The following ITGA4 variants were observed in gnomAD, a reference collection of about 807,000 sequenced individuals.
ITGA4 encodes integrin alpha-4.
A neutral mutation model predicts 133.6 loss-of-function variants in ITGA4; 63 were observed. The ratio of observed to expected loss-of-function variants is 0.47; its 90% CI spans 0.38 to 0.58. The LOEUF is 0.58. Among genes scored for constraint, ITGA4 ranks in the 20% least tolerant of loss-of-function variants. The probability of loss-of-function intolerance (pLI) is 0.00; values close to 1 mark genes in which losing one functional copy is unlikely to be tolerated. For synonymous variants in ITGA4, 483 were observed against 438.0 expected (o/e 1.10, Z -1.28); for missense variants, 1,076 against 1,252.7 (o/e 0.86, Z 2.13).
chr2:181,518,150 G>T (rs2105762126), intron 17 of ITGA4, among the ~76,000 whole-genome samples: 1 of 152,108 alleles, frequency 6.6e-6, no homozygotes, highest in African/African-American at 2.4e-5. Flanking sequence ...TAACCCCAAG[G>T]TTTACAACAC....
Position 181,536,572 on chromosome 2 carries a change from G to A in ITGA4, c.*1045G>A, listed in dbSNP as rs940715297. On this transcript the variant is annotated 3_prime_UTR_variant, in exon 28 of 28. Coordinates refer to ENST00000397033, the MANE Select transcript of ITGA4 (RefSeq NM_000885.6). ...ACAAGTATAAGTGTTACCTTACATG[G>A]AAACGAAGAAACAAAATTCATAAAT... 8.3e-5 allele frequency: 7 copies of A among 84,090 alleles called. No individual in the cohort carries two copies. Among genetic ancestry groups the A allele is most frequent in the Admixed American group, 1.2e-4 (1 of 8,240 alleles). The allele number at this position is 84,090 out of a possible 1,614,324, so 5.2% of individuals were successfully genotyped here.
At position 181,522,170 on chromosome 2, in the gene ITGA4, AT is replaced by A; in HGVS notation, c.1923-20del. ...TTTTTATTTCCTAAACAAGAACTAA[AT>A]AATATTACTTAATTTTTAGGCCCCA... On this transcript the variant is annotated intron_variant, in intron 17 of 27. Transcript: ENST00000397033. 3.4e-6 allele frequency: 5 copies of A among 1,477,154 alleles called. No individual in the cohort carries two copies. The South Asian group carries it at 6.1e-5, about 18-fold the overall frequency. 91.5% of individuals were successfully genotyped at this position (1,477,154 alleles called of 1,614,324 possible). A position where few individuals can be genotyped will look rare whatever the true frequency, so the allele number is the denominator to read the frequency against.
chr2:181,483,216 G>A (rs961759144), intron 9 of ITGA4, among the ~76,000 whole-genome samples: 1 of 152,100 alleles, frequency 6.6e-6, no homozygotes, highest in Admixed American at 6.5e-5. Flanking sequence ...GCATAAATAG[G>A]TAATTACTGA....
At chr2:181,511,917 T>C (rs1559052324) in intron 17 of ITGA4, 142 bp downstream of exon 17, 3 of 531,284 alleles carry the variant, frequency 5.6e-6, no homozygotes, top group Middle Eastern at 3.6e-4. Context: ...CAATGCTTAG[T>C]TTTTTATCGG....
At chr2:181,468,713 C>T (rs1357830923) in intron 2 of ITGA4, among the ~76,000 whole-genome samples, 2 of 151,998 alleles carry the variant, frequency 1.3e-5, no homozygotes, top group Non-Finnish European at 2.9e-5. Flanking sequence ...TTTATATATG[C>T]TGATACACAT....
At chr2:181,534,628 T>C (rs1687017347) in intron 26 of ITGA4, among the ~76,000 whole-genome samples, 188 bp from the exon 27 acceptor site, 1 of 152,116 alleles carries the variant, frequency 6.6e-6, no homozygotes, top group African/African-American at 2.4e-5. Context: ...TACAGCCCAT[T>C]ACACTCACTG....
chr2:181,483,329 G>A (rs527569905), intron 9 of ITGA4, among the ~76,000 whole-genome samples: 3 of 152,112 alleles, frequency 2.0e-5, no homozygotes, highest in Non-Finnish European at 2.9e-5. Flanking sequence ...GATTCTTGGC[G>A]TTAAGTCAAA....
chr2:181,465,559 G>C (rs1343397835), intron 2 of ITGA4, among the ~76,000 whole-genome samples: 6 of 152,168 alleles, frequency 3.9e-5, no homozygotes, highest in African/African-American at 1.4e-4. Context: ...AGACAAAGTG[G>C]CATCCACACA....
intron 14 of ITGA4, among the ~76,000 whole-genome samples, chr2:181,498,120 C>G (rs1686191947): frequency 6.6e-6 from 1 of 151,852 alleles, no homozygotes; most frequent in East Asian, 1.9e-4. Flanking sequence ...TTGACTTAAT[C>G]ATGTGTTCAC....
chr2:181,534,770 A>ATTT (rs5836796), intron 26 of ITGA4, 46 bp from the exon 27 acceptor site: 26,153 of 1,265,984 alleles, frequency 0.021, 4 homozygotes, highest in South Asian at 0.038. Flanking sequence ...TTTTAAACTG[A>ATTT]TTTTTTTTTT....
At chr2:181,486,301 A>G (rs1277227022) in intron 10 of ITGA4, 2 of 221,400 alleles carry the variant, frequency 9.0e-6, no homozygotes, top group East Asian at 1.2e-4. Flanking sequence ...TACACCCACC[A>G]TTTTTCTGTT....
At chr2:181,490,126 A>T (rs1033765077) in intron 10 of ITGA4, among the ~76,000 whole-genome samples, 28 of 152,208 alleles carry the variant, frequency 1.8e-4, no homozygotes, top group African/African-American at 6.8e-4. Flanking sequence ...CAATGTCTGT[A>T]ATCTATAGAT....
intron 10 of ITGA4, among the ~76,000 whole-genome samples, chr2:181,489,498 T>C (rs1314292231): frequency 6.6e-6 from 1 of 150,738 alleles, no homozygotes; most frequent in East Asian, 2.0e-4. Flanking sequence ...GTTTAGTTTC[T>C]TTTTTCACCT....
chr2:181,475,763 C>A (rs1387303667), intron 4 of ITGA4: 2 of 1,552,324 alleles, frequency 1.3e-6, no homozygotes, highest in Non-Finnish European at 1.7e-6. Flanking sequence ...CTTCAAGCAG[C>A]AAGAGATTCG....
chr2:181,534,832 T>C lies in ITGA4; in HGVS notation c.2900T>C (p.Leu967Pro), dbSNP rs202038203. The C allele has an allele frequency of 2.5e-6, 4 of 1,596,060 alleles. No homozygotes were observed. Among genetic ancestry groups the C allele is most frequent in the Non-Finnish European group, 3.4e-6 (4 of 1,174,750 alleles). Residue 967 changes from leucine (L) to proline (P), a missense_variant, in exon 27 of 28, where the codon CTA becomes CCA. Leu to Pro is a moderately conservative substitution (Grantham distance 98). Around this residue, in one of 4 missense-constraint regions of ITGA4, gnomAD observed 193 missense variants for 172.3 expected, o/e 1.12. Transcript: ENST00000397033. Reference protein sequence around the residue: ...ENVAHVLLEGLHHQRPKRYFT... With the variant: ...ENVAHVLLEGPHHQRPKRYFT... ...CTCACGTAGGTTCTACTGGAAGGACTACATCATCAAAGACCCAAACGTTAT... is the reference window on the plus strand; with the variant it reads ...CTCACGTAGGTTCTACTGGAAGGACCACATCATCAAAGACCCAAACGTTAT...
chr2:181,473,994 C>G (rs1685616935), intron 2 of ITGA4, among the ~76,000 whole-genome samples: 1 of 152,132 alleles, frequency 6.6e-6, no homozygotes, highest in Non-Finnish European at 1.5e-5. Flanking sequence ...ACATCCTTAT[C>G]CAATCAAATT....
rs761407631 is a variant in ITGA4 at position 181,534,880 on chromosome 2, G to T, written c.2948G>T (p.Ser983Ile). 5.0e-6 allele frequency: 8 copies of T among 1,599,608 alleles called. No homozygotes were observed. The South Asian group carries it at 9.1e-5, about 18-fold the overall frequency. ...KRYFTIVIIS[S>I]SLLLGLIVLL... is the part of the protein sequence containing the mutation. ...TATTTCACCATAGTGATTATTTCAA[G>T]TAGCTTGCTACTTGGACTTATTGTA... Residue 983 changes from serine to isoleucine, a missense_variant, in exon 27 of 28, where the codon AGT becomes ATT. Physicochemically the swap from Ser to Ile is moderately radical, Grantham distance 142. Transcript: ENST00000397033.
At chr2:181,493,223 A>G (rs1686091040) in intron 10 of ITGA4, 102 bp from the exon 11 acceptor site, 2 of 670,590 alleles carry the variant, frequency 3.0e-6, no homozygotes, top group South Asian at 3.9e-5. Context: ...CATAAAAGAG[A>G]GTTTTCTTAT....
chr2:181,498,096 C>G (rs1456813576), intron 14 of ITGA4, among the ~76,000 whole-genome samples: 2 of 151,688 alleles, frequency 1.3e-5, no homozygotes, highest in Non-Finnish European at 2.9e-5. Context: ...TTTAAGAAAA[C>G]CGTATATATA....
Sources: gnomAD v4.1 joint callset for allele counts (sites outside exome capture counted in the v4.1 genomes callset) on GRCh38, gnomAD v4.1.1 for gene constraint, gnomAD v4.1.1 regional missense constraint, MANE v1.5 for transcripts, NCBI Gene and HGNC (gene_info 2026-07-23, HGNC 2026-07-21) for gene names.